The following LGR4 variants were observed in gnomAD, a reference collection of about 807,000 sequenced individuals.
LGR4 encodes leucine rich repeat containing G protein-coupled receptor 4.
LGR4 carries 44 observed loss-of-function variants against 84.8 expected under a neutral mutation model. The observed-to-expected ratio is 0.52, with a 90% CI of 0.41 to 0.67. The LOEUF (loss-of-function observed/expected upper bound fraction) is 0.67. Ranked by LOEUF, LGR4 falls within the 30% of genes least tolerant of loss-of-function variation. LGR4 has a pLI of 0.00. For synonymous variants in LGR4, 429 were observed against 434.3 expected, an observed-to-expected ratio of 0.99 and a Z score of 0.15; for missense variants, 1,032 against 1,131.4, an observed-to-expected ratio of 0.91 and a Z score of 1.26.
At chr11:27,375,694 A>C (rs1416212341) in intron 13 of LGR4, among the ~76,000 whole-genome samples, 2 of 152,166 alleles carry the variant, frequency 1.3e-5, no homozygotes, top group African/African-American at 4.8e-5. Flanking sequence ...AATTAAACTT[A>C]ATTGATAAAC....
intron 13 of LGR4, among the ~76,000 whole-genome samples, chr11:27,375,120 C>A (rs1231854073): frequency 1.4e-5 from 2 of 144,440 alleles, no homozygotes; most frequent in African/African-American, 2.6e-5. Context: ...CCCATCTCTA[C>A]CAAAAAAAAA....
rs866634616 is a variant in LGR4 at position 27,390,364 on chromosome 11, A to C, written c.401+730T>G. ...GCACACATAAGGGTGATAACTATTA[A>C]CATTTTTTATTCAGAGTGCTTCTGG... On this transcript the variant is annotated intron_variant, in intron 4 of 17. Coordinates refer to ENST00000379214, the MANE Select transcript of LGR4 (RefSeq NM_018490.5). Among the ~76,000 whole-genome samples the C allele has an allele frequency of 2.0e-5, 3 of 152,288 alleles. No homozygotes were observed. In the South Asian group the frequency reaches 6.2e-4, roughly 32 times the overall value.
chr11:27,391,933 G>C (rs753779195), intron 3 of LGR4, among the ~76,000 whole-genome samples: 2 of 152,174 alleles, frequency 1.3e-5, no homozygotes, highest in Admixed American at 1.3e-4. Flanking sequence ...AGTGGGGGCA[G>C]TCAGTTCACC....
intron 2 of LGR4, among the ~76,000 whole-genome samples, chr11:27,405,028 T>C (rs1006765166): frequency 2.0e-5 from 3 of 152,202 alleles, no homozygotes; most frequent in African/African-American, 4.8e-5. Flanking sequence ...TTAAACCCAA[T>C]AGACTCCAGT....
chr11:27,389,000 C>T (rs1240610972), intron 4 of LGR4, among the ~76,000 whole-genome samples: 1 of 152,106 alleles, frequency 6.6e-6, no homozygotes, highest in African/African-American at 2.4e-5. Context: ...ATTTTATAGT[C>T]ATTATCAAAC....
chr11:27,466,157 T>C (rs1864774840), intron 1 of LGR4, among the ~76,000 whole-genome samples: 1 of 152,248 alleles, frequency 6.6e-6, no homozygotes, highest in Non-Finnish European at 1.5e-5. Flanking sequence ...TACATTACTT[T>C]TATTTTTCAG....
chr11:27,431,160 A>G (rs993854224), intron 1 of LGR4, among the ~76,000 whole-genome samples: 10 of 152,196 alleles, frequency 6.6e-5, no homozygotes, highest in Non-Finnish European at 1.0e-4. Context: ...TTAGAAAACA[A>G]ACTTTCTTCA....
At chr11:27,370,414 C>G (rs78871767) in intron 17 of LGR4, among the ~76,000 whole-genome samples, 3,193 of 152,252 alleles carry the variant, frequency 0.021, 46 homozygotes, top group Non-Finnish European at 0.034. Flanking sequence ...TTTTGAGAAC[C>G]CTTTTATGGG....
chr11:27,410,125 C>A (rs1408606688), intron 2 of LGR4, among the ~76,000 whole-genome samples: 3 of 152,104 alleles, frequency 2.0e-5, no homozygotes, highest in African/African-American at 7.2e-5. Flanking sequence ...CATTTTAAAT[C>A]TAAACATAAT....
intron 1 of LGR4, among the ~76,000 whole-genome samples, chr11:27,454,992 G>C (rs920888338): frequency 2.0e-5 from 3 of 152,134 alleles, no homozygotes; most frequent in African/African-American, 7.2e-5. Context: ...CACAGTCAAA[G>C]AAAGGACCAT....
At chr11:27,397,645 G>A (rs763717232) in intron 2 of LGR4, among the ~76,000 whole-genome samples, 1 of 152,104 alleles carries the variant, frequency 6.6e-6, no homozygotes, top group Admixed American at 6.5e-5. Flanking sequence ...CTAAAGTGTC[G>A]AATGCCAGGG....
At chr11:27,385,007 G>C (rs1241911505) in intron 5 of LGR4, among the ~76,000 whole-genome samples, 1 of 152,140 alleles carries the variant, frequency 6.6e-6, no homozygotes, top group African/African-American at 2.4e-5. Context: ...AGTGTGTGCT[G>C]AATGACCCAA....
chr11:27,457,916 C>T (rs773467954), intron 1 of LGR4, among the ~76,000 whole-genome samples: 8 of 151,926 alleles, frequency 5.3e-5, no homozygotes, highest in Non-Finnish European at 8.8e-5. Flanking sequence ...CATTTGAGGC[C>T]AGAAGTTCAA....
At chr11:27,471,368 C>G (rs1023584875) in intron 1 of LGR4, among the ~76,000 whole-genome samples, 2 of 152,260 alleles carry the variant, frequency 1.3e-5, no homozygotes, top group Admixed American at 1.3e-4. Context: ...ACTTGCTTCT[C>G]TTCCAACATC....
intron 1 of LGR4, among the ~76,000 whole-genome samples, chr11:27,464,669 A>G (rs1401142539): frequency 6.6e-6 from 1 of 152,172 alleles, no homozygotes. Context: ...GTACAGCTCC[A>G]AGGTAAGGAG....
chr11:27,458,632 G>A (rs911204641), intron 1 of LGR4, among the ~76,000 whole-genome samples: 4 of 151,716 alleles, frequency 2.6e-5, no homozygotes, highest in East Asian at 1.9e-4. Flanking sequence ...TTTGCCTCCC[G>A]GGTTCAAGCA....
chr11:27,454,866 G>A (rs1864545200), intron 1 of LGR4, among the ~76,000 whole-genome samples: 1 of 152,028 alleles, frequency 6.6e-6, no homozygotes, highest in Admixed American at 6.6e-5. Flanking sequence ...GGAAAACTGG[G>A]AAGACAAGGA....
chr11:27,393,767 C>G (rs1279581650), intron 2 of LGR4, among the ~76,000 whole-genome samples: 2 of 151,996 alleles, frequency 1.3e-5, no homozygotes, highest in Non-Finnish European at 2.9e-5. Flanking sequence ...TTTAGGGATA[C>G]AAGAAAGACA....
chr11:27,425,925 T>C (rs1280575374), intron 1 of LGR4, among the ~76,000 whole-genome samples: 1 of 152,220 alleles, frequency 6.6e-6, no homozygotes, highest in Non-Finnish European at 1.5e-5. Flanking sequence ...CCTATGCTCC[T>C]CTGTTAGGGT....
Sources: gnomAD v4.1 joint callset for allele counts (sites outside exome capture counted in the v4.1 genomes callset) on GRCh38, gnomAD v4.1.1 for gene constraint, MANE v1.5 for transcripts, NCBI Gene and HGNC (gene_info 2026-07-23, HGNC 2026-07-21) for gene names.